Variants in SND1 observed in about 807,000 individuals in gnomAD.
SND1 encodes the protein staphylococcal nuclease and tudor domain containing 1.
SND1 carries 38 observed loss-of-function variants against 121.7 expected under a neutral mutation model. The observed-to-expected ratio is 0.31, with a 90% CI of 0.24 to 0.41. SND1 has a LOEUF of 0.41. Among genes scored for constraint, SND1 ranks in the 10% least tolerant of loss-of-function variants. The pLI is 1.00. For missense variants in SND1, 868 were observed against 1,184.6 expected (o/e 0.73, Z 3.92); for synonymous variants, 401 against 447.4 (o/e 0.90, Z 1.31).
chr7:127,744,348 A>G (rs1243936532), intron 10 of SND1, among the ~76,000 whole-genome samples: 1 of 151,842 alleles, frequency 6.6e-6, no homozygotes, highest in African/African-American at 2.4e-5. Flanking sequence ...CCCTTTGTGT[A>G]TATATACTGT....
intron 14 of SND1, among the ~76,000 whole-genome samples, chr7:127,916,461 G>A (rs1800581748): frequency 6.6e-6 from 1 of 152,090 alleles, no homozygotes; most frequent in East Asian, 1.9e-4. Flanking sequence ...GCACTAATGA[G>A]CCATTAGTGA....
intron 15 of SND1, among the ~76,000 whole-genome samples, chr7:127,954,018 A>G (rs934733454): frequency 3.3e-5 from 5 of 152,210 alleles, no homozygotes; most frequent in African/African-American, 1.2e-4. Context: ...CTTTAAATAT[A>G]TATATATTTG....
intron 1 of SND1, among the ~76,000 whole-genome samples, chr7:127,665,525 C>A: frequency 6.6e-6 from 1 of 152,080 alleles, no homozygotes; most frequent in East Asian, 1.9e-4. Context: ...AATTTTATTT[C>A]TAAAGGCAAC....
chr7:127,748,761 G>C (rs944261035), intron 10 of SND1, among the ~76,000 whole-genome samples: 1 of 152,170 alleles, frequency 6.6e-6, no homozygotes, highest in Non-Finnish European at 1.5e-5. Context: ...GGTGGAACAG[G>C]GTGGTTTAGT....
At chr7:127,749,209 G>C (rs1349976488) in intron 10 of SND1, among the ~76,000 whole-genome samples, 4 of 152,044 alleles carry the variant, frequency 2.6e-5, no homozygotes, top group Non-Finnish European at 5.9e-5. Context: ...ATTTTTTGTA[G>C]AGATGGGGTC....
At chr7:127,673,226 TATATATG>T (rs1348159628) in intron 1 of SND1, among the ~76,000 whole-genome samples, 1 of 147,364 alleles carries the variant, frequency 6.8e-6, no homozygotes, top group Non-Finnish European at 1.5e-5. Flanking sequence ...CATGTAATGT[TATATATG>T]ATATATAACT....
At chr7:127,967,189 G>A (rs1801872287) in intron 15 of SND1, among the ~76,000 whole-genome samples, 1 of 152,138 alleles carries the variant, frequency 6.6e-6, no homozygotes, top group Admixed American at 6.6e-5. Context: ...GCTGGAGAAG[G>A]CAGAAGGTCG....
At chr7:127,947,867 A>T (rs554984898) in intron 15 of SND1, among the ~76,000 whole-genome samples, 10 of 152,198 alleles carry the variant, frequency 6.6e-5, no homozygotes, top group African/African-American at 2.4e-4. Context: ...TATGGATTTT[A>T]TGGCCAGTTG....
At chr7:128,019,856 T>C (rs1313340981) in intron 16 of SND1, among the ~76,000 whole-genome samples, 1 of 152,174 alleles carries the variant, frequency 6.6e-6, no homozygotes, top group African/African-American at 2.4e-5. Flanking sequence ...AGTTTCAGGG[T>C]AGACCCCTGA....
intron 11 of SND1, among the ~76,000 whole-genome samples, chr7:127,810,634 G>A (rs894507068): frequency 3.3e-5 from 5 of 152,170 alleles, no homozygotes; most frequent in African/African-American, 1.2e-4. Flanking sequence ...GATAGCAGGA[G>A]CAATCTTTTT....
intron 2 of SND1, among the ~76,000 whole-genome samples, chr7:127,689,359 A>G (rs1795873187): frequency 6.6e-6 from 1 of 152,240 alleles, no homozygotes; most frequent in Non-Finnish European, 1.5e-5. Flanking sequence ...CTATTGTGTA[A>G]CAGCTTGATT....
At chr7:128,037,072 C>A (rs1792763750) in intron 16 of SND1, among the ~76,000 whole-genome samples, 1 of 152,224 alleles carries the variant, frequency 6.6e-6, no homozygotes, top group African/African-American at 2.4e-5. Context: ...GAACTGACTA[C>A]TAATGAGTGA....
chr7:127,689,527 T>G (rs1223028851), intron 2 of SND1, among the ~76,000 whole-genome samples: 2 of 152,186 alleles, frequency 1.3e-5, no homozygotes, highest in Non-Finnish European at 2.9e-5. Context: ...CAGTTGGAAC[T>G]TGTTCTAAAA....
chr7:127,814,677 GTCCAAT>G (rs1441047665), intron 11 of SND1, among the ~76,000 whole-genome samples: 1 of 152,056 alleles, frequency 6.6e-6, no homozygotes, highest in African/African-American at 2.4e-5. Context: ...TTCAGAAAGA[GTCCAAT>G]TGGAAAGCAC....
At position 128,074,065 on chromosome 7, in the gene SND1, C is replaced by T. The variant is rs565941984; in HGVS notation, c.1780-437C>T. ...TAATTACCTTCATTAGACACGAATT[C>T]ATTCAGCTCTACCAGGAAAAGCAGC... On this transcript the variant is annotated intron_variant, in intron 16 of 23. Transcript: ENST00000354725. 1.8e-4 allele frequency among the ~76,000 whole-genome samples: 27 copies of T among 152,314 alleles called. No individual in the cohort carries two copies. The East Asian group carries it at 1.9e-3, about 11-fold the overall frequency.
chr7:127,836,545 C>T (rs566155565), intron 11 of SND1, among the ~76,000 whole-genome samples: 3 of 152,118 alleles, frequency 2.0e-5, no homozygotes, highest in Admixed American at 6.5e-5. Context: ...TTTTTCTGAA[C>T]GTATTTATAA....
intron 11 of SND1, among the ~76,000 whole-genome samples, chr7:127,816,662 CT>C (rs919893026): frequency 0.017 from 2,301 of 135,204 alleles, 31 homozygotes; most frequent in African/African-American, 0.053. Flanking sequence ...TTCTCAAACT[CT>C]TTTTTTTTTT....
chr7:128,086,873 C>T, intron 20 of SND1, 65 bp from the exon 21 acceptor site: 1 of 1,290,906 alleles, frequency 7.7e-7, no homozygotes, highest in Non-Finnish European at 1.1e-6. Flanking sequence ...CCACAGAGAG[C>T]TGTCCTGTGA....
At chr7:128,020,774 T>C (rs1279071688) in intron 16 of SND1, among the ~76,000 whole-genome samples, 1 of 152,154 alleles carries the variant, frequency 6.6e-6, no homozygotes, top group Non-Finnish European at 1.5e-5. Context: ...GCACAATGGA[T>C]GAAACAGCAA....
Sources: allele counts gnomAD v4.1 joint callset (sites outside exome capture counted in the v4.1 genomes callset), GRCh38; gene constraint gnomAD v4.1.1; transcripts MANE v1.5; gene names NCBI Gene and HGNC (gene_info 2026-07-23, HGNC 2026-07-21).